The following DLGAP2 variants were observed in gnomAD, a reference collection of about 807,000 sequenced individuals.
The protein encoded by DLGAP2 is DLG associated protein 2, also known as disks large-associated protein 2.
In DLGAP2, 26 loss-of-function variants were observed where a neutral mutation model predicts 100.3. The observed-to-expected ratio is 0.26, with a 90% CI of 0.19 to 0.36. The LOEUF (loss-of-function observed/expected upper bound fraction) is 0.36, where lower values mean the gene tolerates loss of function less well. Among genes scored for constraint, DLGAP2 ranks in the 10% least tolerant of loss-of-function variants. The probability of loss-of-function intolerance (pLI) is 1.00; values close to 1 mark genes in which losing one functional copy is unlikely to be tolerated. For missense variants in DLGAP2, 1,858 were observed against 1,453.2 expected, an observed-to-expected ratio of 1.28 and a Z score of -4.53; for synonymous variants, 886 against 630.1, an observed-to-expected ratio of 1.41 and a Z score of -6.08.
chr8:1,072,897 C>T (rs542790967), intron 2 of DLGAP2, among the ~76,000 whole-genome samples: 1 of 152,202 alleles, frequency 6.6e-6, no homozygotes, highest in Non-Finnish European at 1.5e-5. Flanking sequence ...TCTGGGATTT[C>T]TCCCTGCTGG....
At chr8:1,216,311 G>C (rs550074549) in intron 2 of DLGAP2, among the ~76,000 whole-genome samples, 29 of 152,200 alleles carry the variant, frequency 1.9e-4, no homozygotes, top group African/African-American at 7.0e-4. Context: ...CTGATATCCA[G>C]GAAGGCATGT....
intron 1 of DLGAP2, among the ~76,000 whole-genome samples, chr8:747,218 C>G (rs1820637983): frequency 6.6e-6 from 1 of 152,088 alleles, no homozygotes; most frequent in Non-Finnish European, 1.5e-5. Context: ...GTACTACCCA[C>G]AACGCGTCAT....
chr8:1,347,597 T>A lies in DLGAP2; in HGVS notation c.106+88714T>A, dbSNP rs1801595298. ...GCTGTCTTGGTAACTGTGTGGAGGT[T>A]GAGTTCCCATACAGAGCTGCTTTGC... On this transcript the variant is annotated intron_variant, in intron 3 of 14. Transcript: ENST00000637795. 2.6e-5 allele frequency among the ~76,000 whole-genome samples: 4 copies of A among 151,896 alleles called. No homozygotes were observed. In the South Asian group the frequency reaches 8.3e-4, roughly 31 times the overall value.
At chr8:804,203 G>T (rs910190012) in intron 1 of DLGAP2, among the ~76,000 whole-genome samples, 1 of 152,198 alleles carries the variant, frequency 6.6e-6, no homozygotes, top group Non-Finnish European at 1.5e-5. Context: ...TATGCTCCCT[G>T]GAGTCAGAGC....
intron 1 of DLGAP2, among the ~76,000 whole-genome samples, chr8:809,438 A>T (rs1796327780): frequency 6.7e-6 from 1 of 148,460 alleles, no homozygotes; most frequent in Non-Finnish European, 1.5e-5. Context: ...TGCTTAGGGT[A>T]AGTACTCTGT....
chr8:872,959 C>T (rs1245005926), intron 1 of DLGAP2, among the ~76,000 whole-genome samples: 2 of 152,200 alleles, frequency 1.3e-5, no homozygotes, highest in African/African-American at 4.8e-5. Context: ...CTATAACCTA[C>T]ACACATCCTC....
At chr8:799,383 C>T (rs971034486) in intron 1 of DLGAP2, among the ~76,000 whole-genome samples, 3 of 151,942 alleles carry the variant, frequency 2.0e-5, no homozygotes, top group Admixed American at 1.3e-4. Context: ...GCAGCAGGAT[C>T]CTGGGTGCCT....
intron 2 of DLGAP2, among the ~76,000 whole-genome samples, chr8:942,043 T>G (rs1179905873): frequency 6.6e-6 from 1 of 152,170 alleles, no homozygotes; most frequent in Non-Finnish European, 1.5e-5. Flanking sequence ...CAGGCTGGTC[T>G]CGAATTCTAG....
intron 3 of DLGAP2, among the ~76,000 whole-genome samples, chr8:1,338,985 G>A (rs1801355814): frequency 1.3e-5 from 2 of 151,148 alleles, no homozygotes; most frequent in Non-Finnish European, 3.0e-5. Flanking sequence ...ACCTCAGTGA[G>A]GCGTCAGGAC....
intron 8 of DLGAP2, among the ~76,000 whole-genome samples, chr8:1,647,129 G>C (rs1280198756): frequency 6.6e-6 from 1 of 152,142 alleles, no homozygotes; most frequent in African/African-American, 2.4e-5. Flanking sequence ...ATTTCCAGCA[G>C]GACACTGCAG....
intron 3 of DLGAP2, among the ~76,000 whole-genome samples, chr8:1,412,653 A>G (rs2129888252): frequency 6.6e-6 from 1 of 152,346 alleles, no homozygotes; most frequent in Middle Eastern, 3.4e-3. Context: ...CCCACTGTGA[A>G]GATCACAGGC....
chr8:1,568,000 G>A (rs1313607485), intron 6 of DLGAP2, among the ~76,000 whole-genome samples: 6 of 151,782 alleles, frequency 4.0e-5, no homozygotes, highest in African/African-American at 4.8e-5. Flanking sequence ...CACTCTGCCC[G>A]TGGACCCCCA....
At chr8:1,343,107 T>G (rs1218411010) in intron 3 of DLGAP2, among the ~76,000 whole-genome samples, 1 of 152,164 alleles carries the variant, frequency 6.6e-6, no homozygotes, top group Non-Finnish European at 1.5e-5. Flanking sequence ...AGATGGTGCT[T>G]AATTATTCAC....
At chr8:989,165 G>A (rs1480734074) in intron 2 of DLGAP2, among the ~76,000 whole-genome samples, 1 of 152,110 alleles carries the variant, frequency 6.6e-6, no homozygotes, top group Admixed American at 6.5e-5. Flanking sequence ...GTTCCACACT[G>A]GCCTTTGATC....
intron 3 of DLGAP2, among the ~76,000 whole-genome samples, chr8:1,305,710 A>G (rs539682300): frequency 6.6e-6 from 1 of 152,340 alleles, no homozygotes; most frequent in Admixed American, 6.5e-5. Flanking sequence ...CACTGAAAAC[A>G]TACTGTGTAC....
At position 931,911 on chromosome 8, in the gene DLGAP2, A is replaced by G. The variant is rs185463442; in HGVS notation, c.73+23945A>G. On this transcript the variant is annotated intron_variant, in intron 2 of 14. Coordinates refer to ENST00000637795, the MANE Select transcript of DLGAP2 (RefSeq NM_001346810.2). Reference sequence around the variant, plus strand: ...AATTCATTTGGCCTCTGTCTTGTCAAGAGGAGTAACCGAGGGGATGTTTGG... The same window carrying G: ...AATTCATTTGGCCTCTGTCTTGTCAGGAGGAGTAACCGAGGGGATGTTTGG... 1.4e-3 allele frequency among the ~76,000 whole-genome samples: 219 copies of G among 152,322 alleles called. 1 individual carries two copies. Among genetic ancestry groups the G allele is most frequent in the African/African-American group, 5.1e-3 (212 of 41,564 alleles).
intron 3 of DLGAP2, among the ~76,000 whole-genome samples, chr8:1,490,217 G>A (rs1277248178): frequency 6.6e-6 from 1 of 152,140 alleles, no homozygotes; most frequent in Non-Finnish European, 1.5e-5. Context: ...AAATAAATGG[G>A]CATCACAACT....
intron 12 of DLGAP2, among the ~76,000 whole-genome samples, chr8:1,691,151 C>A (rs1247437288): frequency 1.3e-5 from 2 of 152,132 alleles, no homozygotes; most frequent in African/African-American, 2.4e-5. Flanking sequence ...ATGTTAGAGT[C>A]CATAAAAATA....
At position 1,457,977 on chromosome 8, in the gene DLGAP2, T is replaced by TATAC. The variant is rs1196986357; in HGVS notation, c.107-43386_107-43385insCATA. Among the ~76,000 whole-genome samples the TATAC allele has an allele frequency of 6.9e-4, 15 of 21,822 alleles. No individual in the cohort carries two copies. In the East Asian group the frequency reaches 0.078, roughly 114 times the overall value. The allele number at this position is 21,822 out of a possible 152,430, so 14.3% of individuals were successfully genotyped here. ...GTCAATTGTCTCTGTTCTCTGATCA[T>TATAC]ATATATATATATATATATATATATA... On this transcript the variant is annotated intron_variant, in intron 3 of 14. Transcript: ENST00000637795.
Sources: allele counts gnomAD v4.1 joint callset (sites outside exome capture counted in the v4.1 genomes callset), GRCh38; gene constraint gnomAD v4.1.1; transcripts MANE v1.5; gene names NCBI Gene and HGNC (gene_info 2026-07-23, HGNC 2026-07-21).